Variants in PSORS1C1 observed in about 807,000 individuals in gnomAD.
PSORS1C1 encodes psoriasis susceptibility 1 candidate 1.
PSORS1C1 carries 7 observed loss-of-function variants against 9.4 expected under a neutral mutation model. That is an observed-to-expected ratio of 0.75 (90% CI 0.42 to 1.40). The LOEUF (loss-of-function observed/expected upper bound fraction) is 1.40, where lower values mean the gene tolerates loss of function less well. Among genes scored for constraint, PSORS1C1 ranks in the 40% most tolerant of loss-of-function variants. PSORS1C1 has a pLI of 0.01. For missense variants in PSORS1C1, 146 were observed against 178.1 expected (o/e 0.82, Z 1.02); for synonymous variants, 63 against 69.4 (o/e 0.91, Z 0.46).
chr6:31,120,427 T>C (rs1562757246), intron 1 of PSORS1C1: 2 of 1,571,452 alleles, frequency 1.3e-6, no homozygotes, highest in African/African-American at 2.7e-5. Flanking sequence ...CATCTCGGAC[T>C]GCACGGCCTC....
chr6:31,139,649 G>A lies in PSORS1C1; in HGVS notation c.176G>A (p.Gly59Glu). Reference protein sequence around the residue: ...MEPANHFWHAGDLQAMISKEF... With the variant: ...MEPANHFWHAEDLQAMISKEF... ...ACCATGTCCTTCTTCAGGCATGCAG[G>A]GGACCTCCAAGCAATGATATCCAAG... is the stretch of plus-strand genomic sequence containing the variant. Residue 59 changes from glycine to glutamate, a missense_variant, in exon 6 of 6, where the codon GGG (glycine) becomes GAG (glutamate). By Grantham distance (98) the Gly-to-Glu change is moderately conservative (BLOSUM62 -2). Coordinates refer to ENST00000259881, the MANE Select transcript of PSORS1C1 (RefSeq NM_014068.3). This position sits in a 1 kb window ranked among gnomAD's most constrained non-coding sequence, Gnocchi z 5.2. The A allele has an allele frequency of 1.2e-6, 2 of 1,611,634 alleles. No homozygotes were observed. Among genetic ancestry groups the A allele is most frequent in the Non-Finnish European group, 1.7e-6 (2 of 1,178,928 alleles).
At chr6:31,137,794 T>C in intron 3 of PSORS1C1, 1 of 425,664 alleles carries the variant, frequency 2.3e-6, no homozygotes. Flanking sequence ...CAGGAAATAT[T>C]GAGAACACCA....
intron 2 of PSORS1C1, among the ~76,000 whole-genome samples, chr6:31,127,007 C>T (rs1035197255): frequency 6.6e-6 from 1 of 152,176 alleles, no homozygotes; most frequent in African/African-American, 2.4e-5. Context: ...GAAAAGAGCT[C>T]TCCTTGTCTG....
chr6:31,116,158 C>A, intron 1 of PSORS1C1: 9 of 1,611,328 alleles, frequency 5.6e-6, no homozygotes, highest in Non-Finnish European at 7.6e-6. Context: ...GCTGGAGCCA[C>A]AGGGCTTGGC....
chr6:31,126,026 C>G (rs1396840678), intron 2 of PSORS1C1, among the ~76,000 whole-genome samples, 187 bp downstream of exon 2: 1 of 151,274 alleles, frequency 6.6e-6, no homozygotes, highest in East Asian at 2.0e-4. Context: ...CTCTTATGTG[C>G]AAAGCCCCTG....
At chr6:31,130,123 T>C (rs371213991) in intron 3 of PSORS1C1, among the ~76,000 whole-genome samples, 63 of 149,926 alleles carry the variant, frequency 4.2e-4, no homozygotes, top group African/African-American at 1.4e-3. Context: ...TTAATTAATT[T>C]TTTTTCCTCC....
intron 1 of PSORS1C1, chr6:31,117,137 TGCTGCTGCTGCTCGAATGAGA>T (rs768274036): frequency 6.2e-7 from 1 of 1,610,598 alleles, no homozygotes; most frequent in Non-Finnish European, 8.5e-7. Flanking sequence ...AACTGAAAGC[TGCTGCTGCTGCTCGAATGAGA>T]GCTGCTGCTT....
chr6:31,116,508 G>A (rs1355142468), intron 1 of PSORS1C1: 6 of 1,611,912 alleles, frequency 3.7e-6, no homozygotes, highest in Non-Finnish European at 5.1e-6. Context: ...CCACTGGCTG[G>A]AATGCAATGG....
intron 1 of PSORS1C1, chr6:31,118,828 T>C (rs906874438): frequency 3.0e-5 from 4 of 132,030 alleles, no homozygotes; most frequent in African/African-American, 1.1e-4. Flanking sequence ...CACCTGGAAG[T>C]TTTTTCTTCT....
chr6:31,121,541 C>T (rs1772463646), intron 1 of PSORS1C1, among the ~76,000 whole-genome samples: 1 of 152,170 alleles, frequency 6.6e-6, no homozygotes, highest in African/African-American at 2.4e-5. Flanking sequence ...TGCTCTGGCC[C>T]CTGCCCCGCC....
chr6:31,120,380 C>T (rs932296324), intron 1 of PSORS1C1: 2 of 1,594,312 alleles, frequency 1.3e-6, no homozygotes, highest in Admixed American at 1.7e-5. Flanking sequence ...ATCCCGTGCC[C>T]ACCCACACGC....
chr6:31,130,120 A>T lies in PSORS1C1; in HGVS notation c.13+475A>T, dbSNP rs147666549. Reference sequence around the variant, plus strand: ...AAATAAAAAATTAATTAATTAATTAATTTTTTTTCCTCCTAACTAATTCCA... The same window carrying T: ...AAATAAAAAATTAATTAATTAATTATTTTTTTTTCCTCCTAACTAATTCCA... On this transcript the variant is annotated intron_variant, in intron 3 of 5. Coordinates refer to ENST00000259881, the MANE Select transcript of PSORS1C1 (RefSeq NM_014068.3). Among the ~76,000 whole-genome samples, 123 of 149,954 alleles carry T rather than the reference A, an allele frequency of 8.2e-4. 2 individuals are homozygous for T. The East Asian group carries it at 0.013, about 16-fold the overall frequency.
chr6:31,137,713 G>C (rs1043285346), intron 3 of PSORS1C1: 1 of 393,020 alleles, frequency 2.5e-6, no homozygotes, highest in African/African-American at 2.1e-5. Flanking sequence ...AGGCGAGGTA[G>C]GAGAGTAGGC....
chr6:31,139,558 C>T lies in PSORS1C1; in HGVS notation c.168-83C>T. 1 of 1,411,730 alleles carries T rather than the reference C, an allele frequency of 7.1e-7. No homozygotes were observed. Among genetic ancestry groups the T allele is most frequent in the Non-Finnish European group, 9.7e-7 (1 of 1,033,352 alleles). The allele number at this position is 1,411,730 out of a possible 1,614,324, so 87.5% of individuals were successfully genotyped here. A position where few individuals can be genotyped will look rare whatever the true frequency, so the allele number is the denominator to read the frequency against. On this transcript the variant is annotated intron_variant, in intron 5 of 5. Coordinates refer to ENST00000259881, the MANE Select transcript of PSORS1C1 (RefSeq NM_014068.3). The surrounding 1 kb of genome is among the most constrained non-coding windows in gnomAD (Gnocchi z 5.2). ...CCACTCACCCCCGCACTGAAAGCTC[C>T]CCCTGGGGCTTCGTGCTTTCCTGGG... is the stretch of plus-strand genomic sequence containing the variant.
chr6:31,120,585 A>C, intron 1 of PSORS1C1: 1 of 672,594 alleles, frequency 1.5e-6, no homozygotes. Context: ...CGTGGTAATC[A>C]GCCCGGTGCA....
intron 1 of PSORS1C1, chr6:31,116,852 C>A (rs1164716251): frequency 6.2e-7 from 1 of 1,614,112 alleles, no homozygotes; most frequent in Non-Finnish European, 8.5e-7. Flanking sequence ...TCCACCACCA[C>A]CACCACAGGC....
rs1773216412 is a variant in PSORS1C1 at position 31,137,732 on chromosome 6, T to C, written c.14-698T>C. On this transcript the variant is annotated intron_variant, in intron 3 of 5. Coordinates refer to ENST00000259881, the MANE Select transcript of PSORS1C1 (RefSeq NM_014068.3). ...GAGGTAGGAGAGTAGGCTTAGGCTGTCAGAGGAAAAAACGGGCGATGTGAG... is the reference window on the plus strand; with the variant it reads ...GAGGTAGGAGAGTAGGCTTAGGCTGCCAGAGGAAAAAACGGGCGATGTGAG... The C allele has an allele frequency of 7.5e-6, 3 of 400,906 alleles. No homozygotes were observed. In the South Asian group the frequency reaches 3.6e-4, roughly 48 times the overall value. 24.8% of individuals were successfully genotyped at this position (400,906 alleles called of 1,614,324 possible).
chr6:31,138,149 A>G, intron 3 of PSORS1C1: 1 of 1,604,634 alleles, frequency 6.2e-7, no homozygotes, highest in East Asian at 2.2e-5. Flanking sequence ...CTCTCCAGGG[A>G]CGACTGGGGC....
chr6:31,116,846 C>T (rs1182778072), intron 1 of PSORS1C1: 2 of 1,613,938 alleles, frequency 1.2e-6, no homozygotes, highest in East Asian at 2.2e-5. Flanking sequence ...TGCTGGTCCA[C>T]CACCACCACC....
Sources: gnomAD v4.1 joint callset for allele counts (sites outside exome capture counted in the v4.1 genomes callset) on GRCh38, gnomAD v4.1.1 for gene constraint, Gnocchi (gnomAD v3.1) non-coding constraint, MANE v1.5 for transcripts, NCBI Gene and HGNC (gene_info 2026-07-23, HGNC 2026-07-21) for gene names.